The following PLEKHM3 variants were observed in gnomAD, a reference collection of about 807,000 sequenced individuals.
PLEKHM3 encodes the protein pleckstrin homology domain containing M3.
PLEKHM3 carries 45 observed loss-of-function variants against 81.8 expected under a neutral mutation model. The observed-to-expected ratio is 0.55, with a 90% confidence interval of 0.43 to 0.71. The LOEUF (loss-of-function observed/expected upper bound fraction) is 0.71, where lower values mean the gene tolerates loss of function less well. Among genes scored for constraint, PLEKHM3 ranks in the 30% least tolerant of loss-of-function variants. PLEKHM3 has a pLI of 0.00. For missense variants in PLEKHM3, 788 were observed against 924.3 expected, an observed-to-expected ratio of 0.85 and a Z score of 1.91; for synonymous variants, 352 against 356.4, an observed-to-expected ratio of 0.99 and a Z score of 0.14.
intron 7 of PLEKHM3, among the ~76,000 whole-genome samples, chr2:207,844,415 GCCTCAGCCT>G (rs2092371697): frequency 6.8e-6 from 1 of 147,612 alleles, no homozygotes. Flanking sequence ...CCATTCTCCT[GCCTCAGCCT>G]CCGGAGTAGC....
chr2:207,957,569 G>A (rs756666155), intron 3 of PLEKHM3, among the ~76,000 whole-genome samples: 49 of 152,252 alleles, frequency 3.2e-4, no homozygotes, highest in Non-Finnish European at 5.9e-4. Context: ...GTGGTGGCAG[G>A]AGCCTGTAAT....
intron 5 of PLEKHM3, among the ~76,000 whole-genome samples, chr2:207,912,491 C>G (rs541704732): frequency 7.9e-5 from 12 of 152,204 alleles, no homozygotes; most frequent in South Asian, 6.2e-4. Flanking sequence ...ATGAAGGAAC[C>G]CAGCTTATTG....
chr2:207,970,497 A>G (rs916388316), intron 3 of PLEKHM3, among the ~76,000 whole-genome samples: 5 of 152,150 alleles, frequency 3.3e-5, no homozygotes, highest in African/African-American at 1.2e-4. Context: ...AGCAGCCCCG[A>G]GGTGCTGTCA....
intron 2 of PLEKHM3, among the ~76,000 whole-genome samples, chr2:207,990,293 C>T (rs1463257707): frequency 6.6e-6 from 1 of 152,170 alleles, no homozygotes; most frequent in African/African-American, 2.4e-5. Context: ...CAGCTCACTA[C>T]TCCAAAATGT....
At chr2:207,987,124 C>T (rs1691751752) in intron 2 of PLEKHM3, among the ~76,000 whole-genome samples, 1 of 152,108 alleles carries the variant, frequency 6.6e-6, no homozygotes, top group Non-Finnish European at 1.5e-5. Flanking sequence ...TCTTTTAGGC[C>T]CCATTTCCAG....
At chr2:207,988,260 A>C (rs2106062164) in intron 2 of PLEKHM3, among the ~76,000 whole-genome samples, 1 of 152,288 alleles carries the variant, frequency 6.6e-6, no homozygotes, top group South Asian at 2.1e-4. Context: ...AGTGCCACAG[A>C]GCCCAGTGGT....
intron 3 of PLEKHM3, among the ~76,000 whole-genome samples, chr2:207,953,144 C>T (rs537062594): frequency 4.2e-4 from 53 of 127,696 alleles, no homozygotes; most frequent in Non-Finnish European, 7.3e-4. Flanking sequence ...TTGCGTGCCA[C>T]GTGTAATTGC....
At chr2:207,884,036 C>T (rs2718654) in intron 6 of PLEKHM3, among the ~76,000 whole-genome samples, 69,744 of 151,888 alleles carry the variant, frequency 0.46, 16,395 homozygotes, top group Middle Eastern at 0.58. Flanking sequence ...TGGTGGCTCA[C>T]GCCTGTAATC....
chr2:207,876,914 G>T (rs1055919475), intron 6 of PLEKHM3, among the ~76,000 whole-genome samples: 4 of 152,244 alleles, frequency 2.6e-5, no homozygotes, highest in Middle Eastern at 6.8e-3. Flanking sequence ...AACAGTATTG[G>T]TATCAGATTT....
At chr2:207,876,127 T>C (rs1216740202) in intron 6 of PLEKHM3, among the ~76,000 whole-genome samples, 1 of 152,056 alleles carries the variant, frequency 6.6e-6, no homozygotes, top group Non-Finnish European at 1.5e-5. Flanking sequence ...ACCACTGTAG[T>C]GGGATGTAGG....
intron 6 of PLEKHM3, among the ~76,000 whole-genome samples, chr2:207,881,677 G>A (rs538688012): frequency 1.6e-4 from 24 of 152,326 alleles, no homozygotes; most frequent in East Asian, 7.7e-4. Flanking sequence ...TTGAAGTTCC[G>A]TGTTCTGTCC....
chr2:207,946,033 T>C (rs1381692011), intron 4 of PLEKHM3, among the ~76,000 whole-genome samples: 2 of 152,256 alleles, frequency 1.3e-5, no homozygotes, highest in African/African-American at 4.8e-5. Flanking sequence ...CATGTATTAT[T>C]TTCCCATTTT....
In PLEKHM3 at chr2:207,977,113, T is replaced by C. The variant is rs752515236; in HGVS notation, c.1084A>G (p.Ile362Val). The change falls in exon 3 of 8, where the codon ATC (isoleucine) becomes GTC (valine). Residue 362 changes from isoleucine to valine, a missense_variant. By Grantham distance (29) the Ile-to-Val change is conservative (BLOSUM62 3). Transcript: ENST00000427836. ...CTGTAGAGAGTCCCTGATTTGAGGA[T>C]GTTTTGGTACTGTTTGGAGCTGTCC... Reference protein sequence around the residue: ...VLDSSKQYQNILKSGTLYRLT... With the variant: ...VLDSSKQYQNVLKSGTLYRLT... 1 of 1,614,236 alleles carries C rather than the reference T, an allele frequency of 6.2e-7. No homozygotes were observed.
intron 3 of PLEKHM3, among the ~76,000 whole-genome samples, chr2:207,958,289 G>A (rs1383600260): frequency 6.6e-6 from 1 of 152,012 alleles, no homozygotes; most frequent in Non-Finnish European, 1.5e-5. Flanking sequence ...TCCAAGCTTG[G>A]CTCTTTTCTT....
intron 6 of PLEKHM3, among the ~76,000 whole-genome samples, chr2:207,907,649 A>G (rs557253479): frequency 2.0e-5 from 3 of 152,368 alleles, no homozygotes; most frequent in African/African-American, 7.2e-5. Flanking sequence ...AACACATTCA[A>G]TGCCTTTTAC....
At chr2:207,924,710 A>AAAC (rs1191619941) in intron 5 of PLEKHM3, among the ~76,000 whole-genome samples, 1 of 151,994 alleles carries the variant, frequency 6.6e-6, no homozygotes, top group African/African-American at 2.4e-5. Context: ...CAAACAAACA[A>AAAC]AACAACAACA....
In PLEKHM3 at chr2:207,843,755, A is replaced by G. The variant is rs1485327234; in HGVS notation, c.2109-15259T>C. 6.6e-6 allele frequency among the ~76,000 whole-genome samples: 1 copy of G among 152,046 alleles called. No individual in the cohort carries two copies. Among genetic ancestry groups the G allele is most frequent in the African/African-American group, 2.4e-5 (1 of 41,362 alleles). On this transcript the variant is annotated intron_variant, in intron 7 of 7. Transcript: ENST00000427836. This position sits in a 1 kb window ranked among gnomAD's most constrained non-coding sequence, Gnocchi z 4.4. ...GCTTTTCCCCCAGTCTTTTCATTTA[A>G]ATTTCCTTTCCACCATCACAGATTC...
Position 207,937,377 on chromosome 2 carries a change from G to A in PLEKHM3, c.1693-6258C>T, listed in dbSNP as rs1263318690. On this transcript the variant is annotated intron_variant, in intron 4 of 7. Transcript: ENST00000427836. ...GGCCAGGAGTTTGAGACCAGCCTGG[G>A]CAACATAGCAAGACTTTGTCTCTAC... Among the ~76,000 whole-genome samples the A allele has an allele frequency of 3.3e-5, 5 of 152,062 alleles. No homozygotes were observed. The East Asian group carries it at 9.6e-4, about 29-fold the overall frequency.
intron 4 of PLEKHM3, among the ~76,000 whole-genome samples, chr2:207,941,065 G>C (rs1022589635): frequency 6.6e-6 from 1 of 152,182 alleles, no homozygotes; most frequent in African/African-American, 2.4e-5. Flanking sequence ...TTATTGGGTA[G>C]AACTGGACAC....
Sources: gnomAD v4.1 joint callset for allele counts (sites outside exome capture counted in the v4.1 genomes callset) on GRCh38, gnomAD v4.1.1 for gene constraint, Gnocchi (gnomAD v3.1) non-coding constraint, MANE v1.5 for transcripts, NCBI Gene and HGNC (gene_info 2026-07-23, HGNC 2026-07-21) for gene names.